Variants in PIP4K2A observed in about 807,000 individuals in gnomAD.
The protein encoded by PIP4K2A is phosphatidylinositol 5-phosphate 4-kinase type-2 alpha.
A neutral mutation model predicts 42.9 loss-of-function variants in PIP4K2A; 14 were observed. The observed-to-expected ratio is 0.33, with a 90% CI of 0.22 to 0.51. PIP4K2A has a LOEUF of 0.51. Among genes scored for constraint, PIP4K2A ranks in the 20% least tolerant of loss-of-function variants. PIP4K2A has a pLI of 0.97. For synonymous variants in PIP4K2A, 192 were observed against 192.2 expected (o/e 1.00, Z 0.01); for missense variants, 434 against 519.8 (o/e 0.83, Z 1.61).
intron 1 of PIP4K2A, among the ~76,000 whole-genome samples, chr10:22,611,922 G>C (rs543118837): frequency 6.6e-6 from 1 of 152,202 alleles, no homozygotes; most frequent in Non-Finnish European, 1.5e-5. Flanking sequence ...TTAAATGCGC[G>C]TGATGTGTTC....
chr10:22,562,446 G>A (rs1015162285), intron 6 of PIP4K2A, among the ~76,000 whole-genome samples: 1 of 152,186 alleles, frequency 6.6e-6, no homozygotes, highest in Non-Finnish European at 1.5e-5. Context: ...CTACTAGGGA[G>A]GCTGAGGCAG....
chr10:22,604,854 T>C (rs1047626888), intron 3 of PIP4K2A, among the ~76,000 whole-genome samples: 1 of 152,146 alleles, frequency 6.6e-6, no homozygotes, highest in Non-Finnish European at 1.5e-5. Flanking sequence ...GGCATGAGGA[T>C]TGAACTGTCT....
chr10:22,679,282 T>C (rs1839617262), intron 1 of PIP4K2A, among the ~76,000 whole-genome samples: 1 of 152,122 alleles, frequency 6.6e-6, no homozygotes, highest in Non-Finnish European at 1.5e-5. Context: ...CTCCAGAAGA[T>C]ACAAAAATGG....
At chr10:22,604,969 G>A (rs1171336289) in intron 3 of PIP4K2A, among the ~76,000 whole-genome samples, 1 of 152,190 alleles carries the variant, frequency 6.6e-6, no homozygotes, top group Non-Finnish European at 1.5e-5. Flanking sequence ...TGACCCTGGA[G>A]CCAGAGCTGT....
intron 1 of PIP4K2A, among the ~76,000 whole-genome samples, chr10:22,611,838 A>T (rs58650388): frequency 0.14 from 21,512 of 152,264 alleles, 4,439 homozygotes; most frequent in African/African-American, 0.46. Context: ...ATGCCAACTC[A>T]ATCAGCACTT....
chr10:22,554,711 T>C (rs1057235692), intron 6 of PIP4K2A, among the ~76,000 whole-genome samples: 2 of 152,346 alleles, frequency 1.3e-5, no homozygotes, highest in East Asian at 1.9e-4. Flanking sequence ...TTTGTGCAGA[T>C]CAGAGCCTCT....
intron 1 of PIP4K2A, among the ~76,000 whole-genome samples, chr10:22,671,643 C>T (rs1839452426): frequency 6.6e-6 from 1 of 151,904 alleles, no homozygotes; most frequent in Admixed American, 6.6e-5. Context: ...ATCTAGGGGG[C>T]CCTCTCAAAG....
chr10:22,643,572 C>A (rs938305760), intron 1 of PIP4K2A, among the ~76,000 whole-genome samples: 1 of 152,112 alleles, frequency 6.6e-6, no homozygotes, highest in Non-Finnish European at 1.5e-5. Context: ...TTGACCTGAA[C>A]CTTTGCCATC....
intron 5 of PIP4K2A, among the ~76,000 whole-genome samples, chr10:22,571,379 G>A (rs888089859): frequency 2.0e-5 from 3 of 152,246 alleles, no homozygotes; most frequent in African/African-American, 7.2e-5. Flanking sequence ...GTAAAAAACT[G>A]ATTTTTAAAA....
At chr10:22,713,650 C>T (rs1833956063) in intron 1 of PIP4K2A, among the ~76,000 whole-genome samples, 1 of 152,214 alleles carries the variant, frequency 6.6e-6, no homozygotes, top group Admixed American at 6.5e-5. Context: ...AAGCTGCTGC[C>T]CCAAATCTGC....
At chr10:22,607,871 A>G (rs935703189) in intron 3 of PIP4K2A, 56 bp downstream of exon 3, 10 of 1,090,956 alleles carry the variant, frequency 9.2e-6, no homozygotes, top group South Asian at 1.3e-5. Flanking sequence ...TGACACAGCA[A>G]AAGTCATGGC....
chr10:22,574,500 G>C (rs569334711), intron 4 of PIP4K2A, among the ~76,000 whole-genome samples: 1 of 136,198 alleles, frequency 7.3e-6, no homozygotes, highest in African/African-American at 2.7e-5. Flanking sequence ...TAATTAAAAT[G>C]TCCTTTCAAA....
intron 1 of PIP4K2A, among the ~76,000 whole-genome samples, chr10:22,673,493 G>A (rs1242669874): frequency 6.6e-6 from 1 of 152,046 alleles, no homozygotes; most frequent in East Asian, 1.9e-4. Context: ...TAAACTCAAA[G>A]TAGCATGAGA....
chr10:22,712,768 T>C (rs1833932299), intron 1 of PIP4K2A, among the ~76,000 whole-genome samples: 1 of 152,138 alleles, frequency 6.6e-6, no homozygotes, highest in Non-Finnish European at 1.5e-5. Context: ...ATAAAAATAA[T>C]CATTTCTCAA....
At chr10:22,597,451 G>A (rs1199134888) in intron 3 of PIP4K2A, among the ~76,000 whole-genome samples, 1 of 152,150 alleles carries the variant, frequency 6.6e-6, no homozygotes, top group African/African-American at 2.4e-5. Flanking sequence ...TCTGAGAATT[G>A]TCGGAGGTTC....
At position 22,536,983 on chromosome 10, in the gene PIP4K2A, CA is replaced by C; in HGVS notation, c.*217del. 7.2e-6 allele frequency: 3 copies of C among 415,260 alleles called. No homozygotes were observed. Among genetic ancestry groups the C allele is most frequent in the East Asian group, 4.7e-5 (1 of 21,074 alleles). 25.7% of individuals were successfully genotyped at this position (415,260 alleles called of 1,614,324 possible). A position where few individuals can be genotyped will look rare whatever the true frequency, so the allele number is the denominator to read the frequency against. On this transcript the variant is annotated 3_prime_UTR_variant, in exon 10 of 10. Transcript: ENST00000376573. ...CCCCCCCCCAACACACACACACACA[CA>C]TATACACAAAGTCAGAAATAGCTAG...
At chr10:22,668,874 A>T (rs1839398361) in intron 1 of PIP4K2A, among the ~76,000 whole-genome samples, 1 of 152,238 alleles carries the variant, frequency 6.6e-6, no homozygotes, top group South Asian at 2.1e-4. Flanking sequence ...AAGAAAAAAT[A>T]CCAAATAAGA....
At chr10:22,537,333 A>C in intron 9 of PIP4K2A, 52 bp from the exon 10 acceptor site, 3 of 1,355,524 alleles carry the variant, frequency 2.2e-6, no homozygotes, top group Non-Finnish European at 3.1e-6. Flanking sequence ...TGATTTCCCC[A>C]AATTATTACT....
intron 4 of PIP4K2A, among the ~76,000 whole-genome samples, chr10:22,587,439 A>G (rs774080319): frequency 6.6e-6 from 1 of 152,236 alleles, no homozygotes; most frequent in East Asian, 1.9e-4. Flanking sequence ...AACAGAAGAA[A>G]TGATGATCAC....
Sources: gnomAD v4.1 joint callset for allele counts (sites outside exome capture counted in the v4.1 genomes callset) on GRCh38, gnomAD v4.1.1 for gene constraint, MANE v1.5 for transcripts, NCBI Gene and HGNC (gene_info 2026-07-23, HGNC 2026-07-21) for gene names.